SEC24D: variants seen among roughly 807,000 people sequenced by gnomAD.
SEC24D encodes the protein SEC24 homolog D, COPII component, also known as protein transport protein Sec24D.
Under a neutral mutation model 116.9 loss-of-function variants are expected in SEC24D, and 69 were observed. The ratio of observed to expected loss-of-function variants is 0.59; its 90% CI spans 0.49 to 0.72. SEC24D has a LOEUF of 0.72. Ranked by LOEUF, SEC24D falls within the 30% of genes least tolerant of loss-of-function variation. The pLI is 0.00. For synonymous variants in SEC24D, 405 were observed against 442.8 expected (o/e 0.91, Z 1.07); for missense variants, 1,131 against 1,264.1 (o/e 0.89, Z 1.60).
At position 118,740,676 on chromosome 4, in the gene SEC24D, C is replaced by T; in HGVS notation, c.2225G>A (p.Gly742Glu). 1 of 1,613,798 alleles carries T rather than the reference C, an allele frequency of 6.2e-7. No homozygotes were observed. The change falls in exon 17 of 23, where the codon GGA becomes GAA. Residue 742 changes from glycine (G) to glutamate (E), a missense_variant. Coordinates refer to ENST00000280551, the MANE Select transcript of SEC24D (RefSeq NM_014822.4). Reference protein sequence around the residue: ...KHDDKLSEDSGALIQCAVLYT... With the variant: ...KHDDKLSEDSEALIQCAVLYT... ...ACTTTCAATCACCTGGATTAAGGCT[C>T]CACTGTCTTCACTGAGTTTGTCATC...
chr4:118,796,642 T>A (rs1443369717), intron 8 of SEC24D, among the ~76,000 whole-genome samples: 1 of 152,200 alleles, frequency 6.6e-6, no homozygotes, highest in East Asian at 1.9e-4. Flanking sequence ...TTTCCCTTAG[T>A]GGACATAAAG....
At chr4:118,808,798 A>G (rs114564223) in intron 6 of SEC24D, among the ~76,000 whole-genome samples, 6,653 of 152,296 alleles carry the variant, frequency 0.044, 203 homozygotes, top group Non-Finnish European at 0.064. Flanking sequence ...TATGAGTGGA[A>G]CATTCTGGGT....
intron 8 of SEC24D, among the ~76,000 whole-genome samples, chr4:118,769,527 C>CA (rs201768321): frequency 0.011 from 1,692 of 152,116 alleles, 16 homozygotes; most frequent in Middle Eastern, 0.058. Context: ...AGCAGGAGGT[C>CA]AGTGGGGTAG....
rs199540393 is a variant in SEC24D, at chr4:118,732,831, C to T, written c.2578G>A (p.Glu860Lys). Reference sequence around the variant, plus strand: ...TATGCTCGTTCATCAGTTGAGATCTCTGGTCTGCTGAGTAGTACACAGTTT... The same window carrying T: ...TATGCTCGTTCATCAGTTGAGATCTTTGGTCTGCTGAGTAGTACACAGTTT... ...LKNCVLLSRP[E>K]ISTDERAYQR... Residue 860 changes from glutamate to lysine, a missense_variant, in exon 20 of 23, where the codon GAG (glutamate) becomes AAG (lysine). Physicochemically the swap from Glu to Lys is moderately conservative, Grantham distance 56. Coordinates refer to ENST00000280551, the MANE Select transcript of SEC24D (RefSeq NM_014822.4). The T allele has an allele frequency of 2.3e-5, 37 of 1,613,972 alleles. No homozygotes were observed. The highest frequency in any genetic ancestry group is 2.9e-5 in the Non-Finnish European group (34 of 1,179,968).
Position 118,768,320 on chromosome 4 carries a change from A to G in SEC24D, c.1042-9T>C. Reference sequence around the variant, plus strand: ...ACCAAGTAAAGGGGACTCTATGGAGAAGCAAGAAAAATTAAATGAACAGGT... The same window carrying G: ...ACCAAGTAAAGGGGACTCTATGGAGGAGCAAGAAAAATTAAATGAACAGGT... On this transcript the variant is annotated splice_polypyrimidine_tract_variant and intron_variant, in intron 8 of 22. Coordinates refer to ENST00000280551, the MANE Select transcript of SEC24D (RefSeq NM_014822.4). 1 of 1,606,524 alleles carries G rather than the reference A, an allele frequency of 6.2e-7. No individual in the cohort carries two copies. The highest frequency in any genetic ancestry group is 8.5e-7 in the Non-Finnish European group (1 of 1,177,852).
intron 11 of SEC24D, among the ~76,000 whole-genome samples, chr4:118,756,956 T>G (rs1474812397): frequency 6.6e-6 from 1 of 152,222 alleles, no homozygotes; most frequent in Non-Finnish European, 1.5e-5. Context: ...TTTTTCCTCT[T>G]TATTTTTCAA....
At position 118,732,899 on chromosome 4, in the gene SEC24D, T is replaced by C; in HGVS notation, c.2510A>G (p.Asp837Gly). Reference sequence around the variant, plus strand: ...GTACACTGGCAATACTTTCATGGAATCTGGTAGAATAAGCTGAAAAAGACA... The same window carrying C: ...GTACACTGGCAATACTTTCATGGAACCTGGTAGAATAAGCTGAAAAAGACA... ...PSAASQLILP[D>G]SMKVLPVYMN... is the part of the protein sequence containing the mutation. Residue 837 changes from aspartate (D) to glycine (G), a missense_variant, in exon 20 of 23, where the codon GAT becomes GGT. Transcript: ENST00000280551. The C allele has an allele frequency of 1.2e-6, 2 of 1,613,482 alleles. No individual in the cohort carries two copies. The highest frequency in any genetic ancestry group is 8.5e-7 in the Non-Finnish European group (1 of 1,179,610).
chr4:118,740,949 G>A lies in SEC24D; in HGVS notation c.2084C>T (p.Thr695Ile). The change falls in exon 16 of 23, where the codon ACC becomes ATC. Residue 695 changes from threonine to isoleucine, a missense_variant. Thr to Ile is a moderately conservative substitution (Grantham distance 89, BLOSUM62 -1). Coordinates refer to ENST00000280551, the MANE Select transcript of SEC24D (RefSeq NM_014822.4). ...GTATAAATGATAATTACCTGTGCTGGTACGAACCCTCATAATAGCATCAAA... is the reference window on the plus strand; with the variant it reads ...GTATAAATGATAATTACCTGTGCTGATACGAACCCTCATAATAGCATCAAA... ...IGFDAIMRVRTSTGFRATDFF... is the reference protein window; with the variant it reads ...IGFDAIMRVRISTGFRATDFF... 6.3e-7 allele frequency: 1 copy of A among 1,599,734 alleles called. No homozygotes were observed. The highest frequency in any genetic ancestry group is 8.5e-7 in the Non-Finnish European group (1 of 1,171,124).
chr4:118,799,702 G>A (rs1729337642), intron 7 of SEC24D, among the ~76,000 whole-genome samples: 1 of 152,182 alleles, frequency 6.6e-6, no homozygotes, highest in Non-Finnish European at 1.5e-5. Context: ...TGTAGGATGT[G>A]TATCACGCGG....
intron 7 of SEC24D, among the ~76,000 whole-genome samples, chr4:118,798,224 G>A (rs1275537647): frequency 6.6e-6 from 1 of 152,128 alleles, no homozygotes; most frequent in African/African-American, 2.4e-5. Flanking sequence ...ATCTGCTTAT[G>A]GGAAAGGTAA....
At chr4:118,792,581 A>G (rs1270143750) in intron 8 of SEC24D, among the ~76,000 whole-genome samples, 2 of 152,368 alleles carry the variant, frequency 1.3e-5, no homozygotes, top group East Asian at 3.9e-4. Flanking sequence ...CTGTTAATCT[A>G]TAACCTTATC....
chr4:118,736,853 C>A (rs1578381970), intron 19 of SEC24D, among the ~76,000 whole-genome samples: 1 of 152,182 alleles, frequency 6.6e-6, no homozygotes, highest in East Asian at 1.9e-4. Context: ...CTCCGGAAAT[C>A]ATTTAATTGT....
intron 8 of SEC24D, among the ~76,000 whole-genome samples, chr4:118,788,691 T>A (rs1185575120): frequency 6.6e-6 from 1 of 152,210 alleles, no homozygotes; most frequent in Non-Finnish European, 1.5e-5. Flanking sequence ...ATGAAGTTGG[T>A]AGTCATTTAA....
Position 118,768,299 on chromosome 4 carries a change from A to G in SEC24D, c.1054T>C (p.Leu352=). ...GGTCCACTCTCGCCGTGATTTACCA[A>G]GTAAAGGGGACTCTATGGAGAAGCA... The part of the protein sequence containing the change: ...TIPSNESPLY[L]VNHGESGPVR... Residue 352 remains leucine, a synonymous_variant, in exon 9 of 23, where the codon TTG becomes CTG. Coordinates refer to ENST00000280551, the MANE Select transcript of SEC24D (RefSeq NM_014822.4). The G allele has an allele frequency of 6.2e-7, 1 of 1,613,514 alleles. No individual in the cohort carries two copies. The highest frequency in any genetic ancestry group is 8.5e-7 in the Non-Finnish European group (1 of 1,179,806).
intron 2 of SEC24D, among the ~76,000 whole-genome samples, chr4:118,826,335 AT>A (rs1208982855): frequency 6.6e-6 from 1 of 152,156 alleles, no homozygotes; most frequent in Non-Finnish European, 1.5e-5. Context: ...TGGCAATAAT[AT>A]TCCCTAGCTC....
chr4:118,745,786 C>T lies in SEC24D; in HGVS notation c.1708-726G>A, dbSNP rs372722289. 1.8e-4 allele frequency among the ~76,000 whole-genome samples: 28 copies of T among 152,234 alleles called. No homozygotes were observed. In the East Asian group the frequency reaches 5.2e-3, roughly 28 times the overall value. On this transcript the variant is annotated intron_variant, in intron 13 of 22. Transcript: ENST00000280551. ...TGATTCAATATATTGTCCTTCCAAC[C>T]CCTGCCTTTTTCCAAGCCATACTGC...
At chr4:118,780,372 C>T (rs958004057) in intron 8 of SEC24D, among the ~76,000 whole-genome samples, 1 of 152,198 alleles carries the variant, frequency 6.6e-6, no homozygotes, top group Admixed American at 6.5e-5. Flanking sequence ...AGTAGTCACT[C>T]AGGAGCAGGA....
chr4:118,744,101 G>A lies in SEC24D; in HGVS notation c.1882C>T (p.His628Tyr). 1 of 1,613,350 alleles carries A rather than the reference G, an allele frequency of 6.2e-7. No individual in the cohort carries two copies. ...AGGAAGAGTGTCACAGAGCAGCCGT[G>A]AGCCACGCAGTCCTTGGCCAATGAG... ...YDSLAKDCVA[H>Y]GCSVTLFLFP... The change falls in exon 15 of 23, where the codon CAC (histidine) becomes TAC (tyrosine). Residue 628 changes from histidine (H) to tyrosine (Y), a missense_variant. His to Tyr is a moderately conservative substitution (Grantham distance 83). Coordinates refer to ENST00000280551, the MANE Select transcript of SEC24D (RefSeq NM_014822.4).
chr4:118,833,512 A>G, intron 2 of SEC24D, 67 bp downstream of exon 2: 1 of 1,067,408 alleles, frequency 9.4e-7, no homozygotes, highest in South Asian at 1.4e-5. Flanking sequence ...CTCCTCTTTC[A>G]GAACATCTTA....
Sources: gnomAD v4.1 joint callset for allele counts (sites outside exome capture counted in the v4.1 genomes callset) on GRCh38, gnomAD v4.1.1 for gene constraint, MANE v1.5 for transcripts, NCBI Gene and HGNC (gene_info 2026-07-23, HGNC 2026-07-21) for gene names.